The following PTAR1 variants were observed in gnomAD, a reference collection of about 807,000 sequenced individuals.
PTAR1 encodes protein prenyltransferase alpha subunit repeat containing 1.
In PTAR1, 17 loss-of-function variants were observed where a neutral mutation model predicts 45.5. The ratio of observed to expected loss-of-function variants is 0.37; its 90% CI spans 0.26 to 0.56. The LOEUF (loss-of-function observed/expected upper bound fraction) is 0.56. Among genes scored for constraint, PTAR1 ranks in the 20% least tolerant of loss-of-function variants. The pLI is 0.77. For missense variants in PTAR1, 391 were observed against 476.3 expected (o/e 0.82, Z 1.67); for synonymous variants, 169 against 171.3 (o/e 0.99, Z 0.11).
At chr9:69,750,715 G>A (rs1358867592) in intron 2 of PTAR1, 66 bp downstream of exon 2, 1 of 1,138,744 alleles carries the variant, frequency 8.8e-7, no homozygotes, top group Non-Finnish European at 1.2e-6. Context: ...CTCAGAGAAG[G>A]GCTCTTCCTA....
chr9:69,728,446 C>T (rs906085818), intron 5 of PTAR1, among the ~76,000 whole-genome samples: 3 of 152,168 alleles, frequency 2.0e-5, no homozygotes, highest in African/African-American at 4.8e-5. Context: ...TACCATTTTA[C>T]ATTCTTACCA....
chr9:69,759,984 G>C lies in PTAR1; in HGVS notation c.-46C>G. ...TTCGGGCGCGCCTCCGCGTGAGCCG[G>C]GCCGCCGGCGGGAGTTCCGCGGAGA... is the stretch of plus-strand genomic sequence containing the variant. On this transcript the variant is annotated 5_prime_UTR_variant, in exon 1 of 8. Transcript: ENST00000340434. 7.1e-7 allele frequency: 1 copy of C among 1,410,114 alleles called. No homozygotes were observed. The allele number at this position is 1,410,114 out of a possible 1,614,324, so 87.4% of individuals were successfully genotyped here.
chr9:69,730,217 G>C (rs934763444), intron 5 of PTAR1, among the ~76,000 whole-genome samples: 1 of 151,960 alleles, frequency 6.6e-6, no homozygotes. Context: ...CTCCAAGGGC[G>C]GGTCAAGGAA....
chr9:69,747,962 G>A (rs1033523256), intron 2 of PTAR1, among the ~76,000 whole-genome samples: 7 of 152,126 alleles, frequency 4.6e-5, no homozygotes, highest in Non-Finnish European at 7.4e-5. Context: ...GAAATAAGAT[G>A]AGCATATAAT....
chr9:69,720,973 G>A (rs1299341507), intron 6 of PTAR1, among the ~76,000 whole-genome samples: 2 of 152,170 alleles, frequency 1.3e-5, no homozygotes, highest in South Asian at 2.1e-4. Context: ...TTGCTTTCAT[G>A]ACTGCTAACA....
intron 1 of PTAR1, among the ~76,000 whole-genome samples, chr9:69,754,113 G>GCTTC (rs1826653753): frequency 6.6e-6 from 1 of 152,116 alleles, no homozygotes; most frequent in Non-Finnish European, 1.5e-5. Flanking sequence ...CCAAATAATA[G>GCTTC]TGTGTTTGAC....
chr9:69,755,297 A>C (rs548312779), intron 1 of PTAR1, among the ~76,000 whole-genome samples: 11 of 152,218 alleles, frequency 7.2e-5, no homozygotes, highest in Admixed American at 2.6e-4. Context: ...CTTAAGATCA[A>C]AGTATGATAC....
chr9:69,730,822 C>T (rs1349802492), intron 5 of PTAR1, among the ~76,000 whole-genome samples: 1 of 151,902 alleles, frequency 6.6e-6, no homozygotes, highest in Admixed American at 6.6e-5. Flanking sequence ...ATCAAGCAAA[C>T]TGGTAGCCAA....
At position 69,709,708 on chromosome 9, in the gene PTAR1, T is replaced by G. The variant is rs1230022737; in HGVS notation, c.*8634A>C. 1 of 152,110 alleles carries G rather than the reference T, an allele frequency of 6.6e-6. No individual in the cohort carries two copies. The highest frequency in any genetic ancestry group is 1.5e-5 in the Non-Finnish European group (1 of 67,990). The allele number at this position is 152,110 out of a possible 1,614,324, so 9.4% of individuals were successfully genotyped here. On this transcript the variant is annotated 3_prime_UTR_variant, in exon 8 of 8. Coordinates refer to ENST00000340434, the MANE Select transcript of PTAR1 (RefSeq NM_001099666.2). ...TTTTCTGCCACTTATCACAGTGTAATAAGTGCCAGTAAGTCCTGGAAGACA... is the reference window on the plus strand; with the variant it reads ...TTTTCTGCCACTTATCACAGTGTAAGAAGTGCCAGTAAGTCCTGGAAGACA...
At chr9:69,729,748 A>G (rs1825449892) in intron 5 of PTAR1, among the ~76,000 whole-genome samples, 1 of 152,226 alleles carries the variant, frequency 6.6e-6, no homozygotes, top group Non-Finnish European at 1.5e-5. Context: ...GCAGGTCTGC[A>G]TGACCACTGA....
chr9:69,744,188 A>G (rs1324979062), intron 2 of PTAR1, among the ~76,000 whole-genome samples: 1 of 152,092 alleles, frequency 6.6e-6, no homozygotes, highest in African/African-American at 2.4e-5. Flanking sequence ...TTTACATGTT[A>G]CATTCCACCT....
intron 3 of PTAR1, among the ~76,000 whole-genome samples, chr9:69,740,599 A>C (rs1038782135): frequency 6.6e-6 from 1 of 151,748 alleles, no homozygotes; most frequent in Non-Finnish European, 1.5e-5. Context: ...CCAATTTGCA[A>C]ACTGCATGTC....
intron 5 of PTAR1, among the ~76,000 whole-genome samples, chr9:69,725,231 T>C (rs1264911197): frequency 6.6e-6 from 1 of 152,192 alleles, no homozygotes; most frequent in African/African-American, 2.4e-5. Flanking sequence ...TATTTCTAAC[T>C]GGATATTTCT....
chr9:69,750,666 G>T, intron 2 of PTAR1, 115 bp downstream of exon 2: 1 of 747,802 alleles, frequency 1.3e-6, no homozygotes. Context: ...CCGAGACAGT[G>T]AACAGAAGAA....
At position 69,718,479 on chromosome 9, in the gene PTAR1, G is replaced by A. The variant is rs567590269; in HGVS notation, c.1072C>T (p.Arg358Trp). 4.3e-6 allele frequency: 7 copies of A among 1,613,690 alleles called. No homozygotes were observed. Among genetic ancestry groups the A allele is most frequent in the East Asian group, 4.5e-5 (2 of 44,858 alleles). The change falls in exon 8 of 8, where the codon CGG (arginine) becomes TGG (tryptophan). Residue 358 changes from arginine (R) to tryptophan (W), a missense_variant. Around this residue, in one of 5 missense-constraint regions of PTAR1, gnomAD observed 181 missense variants for 227.7 expected, o/e 0.80. Transcript: ENST00000340434. ...CCTAGGGAGTCTGGAACTGGCGTCCGCTTCAGGCGTTTGGTTTCCTGGGAA... is the reference window on the plus strand; with the variant it reads ...CCTAGGGAGTCTGGAACTGGCGTCCACTTCAGGCGTTTGGTTTCCTGGGAA... Reference protein sequence around the residue: ...GYSQETKRLKRTPVPDSLGLE... With the variant: ...GYSQETKRLKWTPVPDSLGLE...
At chr9:69,722,517 A>G (rs1825059543) in intron 6 of PTAR1, among the ~76,000 whole-genome samples, 1 of 152,210 alleles carries the variant, frequency 6.6e-6, no homozygotes, top group Non-Finnish European at 1.5e-5. Context: ...TCAAGAGATT[A>G]TACTTCAGGT....
Position 69,718,699 on chromosome 9 carries a change from G to A in PTAR1, c.948-15C>T, listed in dbSNP as rs760989129. 6.6e-7 allele frequency: 1 copy of A among 1,517,092 alleles called. No individual in the cohort carries two copies. 94.0% of individuals were successfully genotyped at this position (1,517,092 alleles called of 1,614,324 possible). On this transcript the variant is annotated splice_polypyrimidine_tract_variant and intron_variant, in intron 6 of 7. Transcript: ENST00000340434. ...AAATATGCCGCCTGCGATAGAGAGG[G>A]GAAGGAAGAGAATAAAGAAAATCAC...
intron 2 of PTAR1, among the ~76,000 whole-genome samples, chr9:69,742,588 C>A (rs940159741): frequency 8.6e-5 from 13 of 151,850 alleles, no homozygotes; most frequent in African/African-American, 3.1e-4. Context: ...GCTATATTTC[C>A]TGAAGCAGAA....
chr9:69,752,520 T>TAGG (rs1410099971), intron 1 of PTAR1, among the ~76,000 whole-genome samples: 1 of 152,108 alleles, frequency 6.6e-6, no homozygotes, highest in Non-Finnish European at 1.5e-5. Context: ...TTTTTATCCT[T>TAGG]ACAATTGGTT....
Sources: gnomAD v4.1 joint callset for allele counts (sites outside exome capture counted in the v4.1 genomes callset) on GRCh38, gnomAD v4.1.1 for gene constraint, gnomAD v4.1.1 regional missense constraint, MANE v1.5 for transcripts, NCBI Gene and HGNC (gene_info 2026-07-23, HGNC 2026-07-21) for gene names.